The following P3H2 variants were observed in gnomAD, a reference collection of about 807,000 sequenced individuals.
P3H2 encodes the protein leprecan-like 1.
P3H2 carries 80 observed loss-of-function variants against 87.0 expected under a neutral mutation model. The observed-to-expected ratio is 0.92, with a 90% confidence interval of 0.77 to 1.11. The LOEUF (loss-of-function observed/expected upper bound fraction) is 1.11, where lower values mean the gene tolerates loss of function less well. Ranked by LOEUF, P3H2 falls within the 50% of genes least tolerant of loss-of-function variation. The pLI is 0.00. For missense variants in P3H2, 1,001 were observed against 923.9 expected (o/e 1.08, Z -1.08); for synonymous variants, 367 against 359.3 (o/e 1.02, Z -0.24).
intron 1 of P3H2, among the ~76,000 whole-genome samples, chr3:190,066,945 T>C (rs1329655720): frequency 6.6e-6 from 1 of 152,030 alleles, no homozygotes; most frequent in African/African-American, 2.4e-5. Context: ...TCTTTGACAG[T>C]CGCTGGATGG....
chr3:190,072,550 A>C (rs1726737393), intron 1 of P3H2, among the ~76,000 whole-genome samples: 2 of 152,214 alleles, frequency 1.3e-5, no homozygotes, highest in South Asian at 4.1e-4. Flanking sequence ...TGTACTTAAA[A>C]ATTTTAAAAA....
chr3:189,995,150 A>G, intron 2 of P3H2, 140 bp downstream of exon 2: 1 of 716,134 alleles, frequency 1.4e-6, no homozygotes. Flanking sequence ...ATATTCTGAG[A>G]ATTCTGAAAG....
At chr3:190,053,450 G>GT (rs1282152069) in intron 1 of P3H2, among the ~76,000 whole-genome samples, 3,920 of 128,792 alleles carry the variant, frequency 0.03, 96 homozygotes, top group African/African-American at 0.067. Flanking sequence ...AAATAAAGTG[G>GT]TTTTTTTTTT....
intron 1 of P3H2, 113 bp downstream of exon 1, chr3:190,120,139 T>C: frequency 7.9e-7 from 1 of 1,263,670 alleles, no homozygotes; most frequent in Admixed American, 2.0e-5. Flanking sequence ...GACACATATT[T>C]AAGGAGACCC....
At chr3:190,099,580 T>C (rs1432053277) in intron 1 of P3H2, among the ~76,000 whole-genome samples, 1 of 152,216 alleles carries the variant, frequency 6.6e-6, no homozygotes, top group Non-Finnish European at 1.5e-5. Context: ...AGAACATGGA[T>C]GTGTTGAACC....
chr3:189,959,728 G>C (rs1722753103), intron 14 of P3H2, among the ~76,000 whole-genome samples: 1 of 152,002 alleles, frequency 6.6e-6, no homozygotes, highest in African/African-American at 2.4e-5. Context: ...AGCAGGTGCA[G>C]CTGGTCTACC....
chr3:190,067,062 C>T (rs1169024185), intron 1 of P3H2, among the ~76,000 whole-genome samples: 3 of 140,202 alleles, frequency 2.1e-5, no homozygotes, highest in Non-Finnish European at 4.5e-5. Context: ...CCAGCCTGGT[C>T]TCAAACTCTT....
intron 13 of P3H2, among the ~76,000 whole-genome samples, chr3:189,967,738 T>G (rs1400091455): frequency 6.6e-6 from 1 of 152,158 alleles, no homozygotes; most frequent in Non-Finnish European, 1.5e-5. Flanking sequence ...CATGACTTTT[T>G]AACATATATT....
chr3:189,989,975 A>C (rs1312253349), intron 3 of P3H2, among the ~76,000 whole-genome samples: 1 of 152,214 alleles, frequency 6.6e-6, no homozygotes, highest in Non-Finnish European at 1.5e-5. Flanking sequence ...AGAAAGATTC[A>C]TTCATGGCTG....
intron 3 of P3H2, among the ~76,000 whole-genome samples, chr3:189,989,408 GA>G (rs1376232571): frequency 6.6e-6 from 1 of 152,006 alleles, no homozygotes; most frequent in Admixed American, 6.5e-5. Flanking sequence ...GGATATCTTG[GA>G]TGGCTCGAAG....
At chr3:190,007,986 A>ATATATATATATATATG (rs1560359925) in intron 1 of P3H2, among the ~76,000 whole-genome samples, 10 of 141,574 alleles carry the variant, frequency 7.1e-5, no homozygotes, top group African/African-American at 2.4e-4. Flanking sequence ...ATATATATAT[A>ATATATATATATATATG]GTAAACTTCA....
chr3:189,991,091 A>C (rs1723863852), intron 3 of P3H2, among the ~76,000 whole-genome samples: 1 of 152,240 alleles, frequency 6.6e-6, no homozygotes, highest in Admixed American at 6.5e-5. Context: ...TAAAGGAAGA[A>C]TCTGCCATTC....
In P3H2 at chr3:190,039,033, T is replaced by C. The variant is rs978546583; in HGVS notation, c.481-43591A>G. Among the ~76,000 whole-genome samples, 17 of 151,930 alleles carry C rather than the reference T, an allele frequency of 1.1e-4. 1 individual carries two copies. Among genetic ancestry groups the C allele is most frequent in the Admixed American group, 9.8e-4 (15 of 15,252 alleles). On this transcript the variant is annotated intron_variant, in intron 1 of 14. Transcript: ENST00000319332. ...GGAGAAACCCTGTCTCTACTAAAAA[T>C]ACAAAATTAGCCGGGCGAGGTGGCA...
At position 190,101,368 on chromosome 3, in the gene P3H2, C is replaced by CAAAAAAAA. The variant is rs34737545; in HGVS notation, c.480+18876_480+18883dup. Among the ~76,000 whole-genome samples, 7 of 23,954 alleles carry CAAAAAAAA rather than the reference C, an allele frequency of 2.9e-4. 2 individuals are homozygous for CAAAAAAAA. Among genetic ancestry groups the CAAAAAAAA allele is most frequent in the African/African-American group, 8.5e-4 (5 of 5,868 alleles). The allele number at this position is 23,954 out of a possible 152,430, so 15.7% of individuals were successfully genotyped here. Reference sequence around the variant, plus strand: ...GCATCAGTTCACCAAATCATGAACGCAAAAAAAAAAAAAAAAAAAAAAAAA... The same window carrying CAAAAAAAA: ...GCATCAGTTCACCAAATCATGAACGCAAAAAAAAAAAAAAAAAAAAAAAAAAAAAAAAA... On this transcript the variant is annotated intron_variant, in intron 1 of 14. Coordinates refer to ENST00000319332, the MANE Select transcript of P3H2 (RefSeq NM_018192.4).
chr3:189,983,230 C>G, intron 7 of P3H2, 90 bp from the exon 8 acceptor site: 1 of 947,754 alleles, frequency 1.1e-6, no homozygotes. Flanking sequence ...GTCTGTGACT[C>G]TATATTGTGT....
At chr3:189,966,127 GAAAGAAAGAA>G (rs1486749034) in intron 13 of P3H2, among the ~76,000 whole-genome samples, 1 of 34,498 alleles carries the variant, frequency 2.9e-5, no homozygotes. Flanking sequence ...GAAAGAAAAA[GAAAGAAAGAA>G]AGAAAGAAAG....
intron 1 of P3H2, among the ~76,000 whole-genome samples, chr3:190,060,509 G>A (rs975540766): frequency 3.3e-5 from 5 of 152,056 alleles, no homozygotes; most frequent in Non-Finnish European, 5.9e-5. Context: ...TCCTGGAAGT[G>A]GTTTCCTCTC....
intron 1 of P3H2, among the ~76,000 whole-genome samples, chr3:190,074,581 A>C (rs1726809314): frequency 6.6e-6 from 1 of 152,164 alleles, no homozygotes; most frequent in Non-Finnish European, 1.5e-5. Context: ...ATCACTGTAA[A>C]AAAAAAGATA....
chr3:189,995,856 A>C (rs1724038061), intron 1 of P3H2, among the ~76,000 whole-genome samples: 1 of 152,200 alleles, frequency 6.6e-6, no homozygotes, highest in South Asian at 2.1e-4. Context: ...TGTGTGAAAA[A>C]ATGCTCCACA....
Sources: allele counts gnomAD v4.1 joint callset (sites outside exome capture counted in the v4.1 genomes callset), GRCh38; gene constraint gnomAD v4.1.1; transcripts MANE v1.5; gene names NCBI Gene and HGNC (gene_info 2026-07-23, HGNC 2026-07-21).